Variants in SLC4A1 observed in about 807,000 individuals in gnomAD.
SLC4A1 encodes the protein solute carrier family 4 member 1 (Diego blood group).
In SLC4A1, 29 loss-of-function variants were observed where a neutral mutation model predicts 93.1. The observed-to-expected ratio is 0.31, with a 90% CI of 0.23 to 0.42. SLC4A1 has a LOEUF of 0.42. Among genes scored for constraint, SLC4A1 ranks in the 20% least tolerant of loss-of-function variants. SLC4A1 has a pLI of 1.00. For missense variants in SLC4A1, 965 were observed against 1,190.1 expected, an observed-to-expected ratio of 0.81 and a Z score of 2.78; for synonymous variants, 469 against 497.2, an observed-to-expected ratio of 0.94 and a Z score of 0.76.
Position 44,261,009 on chromosome 17 carries a change from G to A in SLC4A1, c.169-194C>T, listed in dbSNP as rs929514950. The stretch of plus-strand genomic sequence containing the variant: ...TTTACCCCATTGCAGAAGGCATTTG[G>A]AGAACCCTGACCCAAAGGGATGCTG... On this transcript the variant is annotated intron_variant, in intron 4 of 19. Transcript: ENST00000262418. 7.2e-4 allele frequency among the ~76,000 whole-genome samples: 110 copies of A among 152,294 alleles called. 1 individual carries two copies. The highest frequency in any genetic ancestry group is 1.0e-4 in the Non-Finnish European group (7 of 68,024).
rs2047313745 is a variant in SLC4A1 at position 44,248,627 on chromosome 17, ACTGC to A, written c.*1827_*1830del. Reference sequence around the variant, plus strand: ...TGTCTCCTTTAATCCTTATAACAACACTGCAAGGTAGGTACCATTATCATCCCCA... The same window carrying A: ...TGTCTCCTTTAATCCTTATAACAACAAAGGTAGGTACCATTATCATCCCCA... On this transcript the variant is annotated 3_prime_UTR_variant, in exon 20 of 20. Coordinates refer to ENST00000262418, the MANE Select transcript of SLC4A1 (RefSeq NM_000342.4). 6.6e-6 allele frequency: 1 copy of A among 152,556 alleles called. No homozygotes were observed. The highest frequency in any genetic ancestry group is 1.5e-5 in the Non-Finnish European group (1 of 68,516). 9.5% of individuals were successfully genotyped at this position (152,556 alleles called of 1,614,324 possible).
At chr17:44,265,322 G>T (rs577259715) in intron 1 of SLC4A1, among the ~76,000 whole-genome samples, 1 of 152,116 alleles carries the variant, frequency 6.6e-6, no homozygotes, top group Non-Finnish European at 1.5e-5. Flanking sequence ...GCACTCGGGG[G>T]TGGAGTCACC....
intron 13 of SLC4A1, among the ~76,000 whole-genome samples, chr17:44,256,685 G>A (rs964299915): frequency 6.6e-6 from 1 of 152,220 alleles, no homozygotes; most frequent in African/African-American, 2.4e-5. Flanking sequence ...TCAGTGTCAT[G>A]CCCATACCTA....
Position 44,259,307 on chromosome 17 carries a change from G to A in SLC4A1, c.732C>T (p.Phe244=), listed in dbSNP as rs766270737. 35 of 1,613,820 alleles carry A rather than the reference G, an allele frequency of 2.2e-5. No individual in the cohort carries two copies. The highest frequency in any genetic ancestry group is 1.8e-4 in the Admixed American group (11 of 59,988). The change falls in exon 9 of 20, where the codon TTC becomes TTT. Residue 244 remains phenylalanine (F), a synonymous_variant. Transcript: ENST00000262418. The part of the protein sequence containing the change: ...ADFLEQPVLG[F]VRLQEAAELE... ...GCTCCGCTGCCTCCTGCAGCCTCAC[G>A]AAGCCCAGCACCGGCTGCTCCAGGA... is the stretch of plus-strand genomic sequence containing the variant.
Position 44,259,342 on chromosome 17 carries a change from G to T in SLC4A1, c.697C>A (p.Arg233Ser). The change falls in exon 9 of 20, where the codon CGC (arginine) becomes AGC (serine). Residue 233 changes from arginine to serine, a missense_variant and splice_region_variant. Physicochemically the swap from Arg to Ser is moderately radical, Grantham distance 110 (BLOSUM62 -1). This residue lies in a region of SLC4A1 where 770 missense variants were observed against 1,006.6 expected (regional missense o/e 0.76). Coordinates refer to ENST00000262418, the MANE Select transcript of SLC4A1 (RefSeq NM_000342.4). ...DSEATLVLVGRADFLEQPVLG... is the reference protein window; with the variant it reads ...DSEATLVLVGSADFLEQPVLG... ...ACCGGCTGCTCCAGGAAGTCGGCGC[G>T]GCCTGTTAGGGGATGAGAAGATCAG... The T allele has an allele frequency of 6.2e-7, 1 of 1,613,424 alleles. No homozygotes were observed. Among genetic ancestry groups the T allele is most frequent in the Non-Finnish European group, 8.5e-7 (1 of 1,179,806 alleles).
At position 44,250,285 on chromosome 17, in the gene SLC4A1, C is replaced by G. The variant is rs2047326698; in HGVS notation, c.*173G>C. 3.2e-6 allele frequency: 2 copies of G among 626,740 alleles called. No individual in the cohort carries two copies. Among genetic ancestry groups the G allele is most frequent in the Non-Finnish European group, 5.8e-6 (2 of 345,614 alleles). 38.8% of individuals were successfully genotyped at this position (626,740 alleles called of 1,614,324 possible). ...ATCCCCAGCCAGAAAAGCCAGGCTA[C>G]CCTTTGTGGAAGGTCTCCTGGACAC... On this transcript the variant is annotated 3_prime_UTR_variant, in exon 20 of 20. Transcript: ENST00000262418.
At position 44,258,757 on chromosome 17, in the gene SLC4A1, C is replaced by T. The variant is rs867056487; in HGVS notation, c.877-134G>A. 2 of 826,082 alleles carry T rather than the reference C, an allele frequency of 2.4e-6. No individual in the cohort carries two copies. The highest frequency in any genetic ancestry group is 3.0e-5 in the South Asian group (2 of 66,352). 51.2% of individuals were successfully genotyped at this position (826,082 alleles called of 1,614,324 possible). On this transcript the variant is annotated intron_variant, in intron 9 of 19. Coordinates refer to ENST00000262418, the MANE Select transcript of SLC4A1 (RefSeq NM_000342.4). The surrounding 1 kb of genome is among the most constrained non-coding windows in gnomAD (Gnocchi z 6.1). ...CATTGCCAGGAACTGCTTTTCCTGC[C>T]CGCTCCCACCCCTACTCTCCCCACT...
intron 17 of SLC4A1, 89 bp downstream of exon 17, chr17:44,253,029 G>A: frequency 2.9e-6 from 4 of 1,386,238 alleles, no homozygotes; most frequent in Non-Finnish European, 4.0e-6. Context: ...GGCTGGAGGA[G>A]GTGCTGGGTC....
In SLC4A1 at chr17:44,258,836, A is replaced by T. The variant is rs2047414500; in HGVS notation, c.877-213T>A. 6.6e-6 allele frequency among the ~76,000 whole-genome samples: 1 copy of T among 152,114 alleles called. No individual in the cohort carries two copies. Among genetic ancestry groups the T allele is most frequent in the African/African-American group, 2.4e-5 (1 of 41,398 alleles). Reference sequence around the variant, plus strand: ...GGCCCTGGGTGGGGAAAGGAGAAGGAACTAAAGCTAACCTGGTGGGTTAAG... The same window carrying T: ...GGCCCTGGGTGGGGAAAGGAGAAGGTACTAAAGCTAACCTGGTGGGTTAAG... On this transcript the variant is annotated intron_variant, in intron 9 of 19. Transcript: ENST00000262418. This position sits in a 1 kb window ranked among gnomAD's most constrained non-coding sequence, Gnocchi z 6.1.
intron 1 of SLC4A1, among the ~76,000 whole-genome samples, chr17:44,267,422 G>A (rs979965497): frequency 6.6e-6 from 1 of 152,212 alleles, no homozygotes; most frequent in Non-Finnish European, 1.5e-5. Flanking sequence ...CATATAAGGA[G>A]CGCTATGAAA....
chr17:44,261,968 C>A lies in SLC4A1; in HGVS notation c.107-332G>T, dbSNP rs557394257. 5 of 1,217,130 alleles carry A rather than the reference C, an allele frequency of 4.1e-6. No individual in the cohort carries two copies. The East Asian group carries it at 2.4e-4, about 58-fold the overall frequency. 75.4% of individuals were successfully genotyped at this position (1,217,130 alleles called of 1,614,324 possible). A position where few individuals can be genotyped will look rare whatever the true frequency, so the allele number is the denominator to read the frequency against. On this transcript the variant is annotated intron_variant, in intron 3 of 19. Transcript: ENST00000262418. ...CCTGAGTGGCAATTTTCAGGATCCT[C>A]CTAGGACCTCCTCCCTCCCCTGCCA...
chr17:44,258,246 G>T lies in SLC4A1; in HGVS notation c.1088-66C>A. The T allele has an allele frequency of 6.6e-7, 1 of 1,515,884 alleles. No homozygotes were observed. The highest frequency in any genetic ancestry group is 9.2e-7 in the Non-Finnish European group (1 of 1,092,578). 93.9% of individuals were successfully genotyped at this position (1,515,884 alleles called of 1,614,324 possible). On this transcript the variant is annotated intron_variant, in intron 10 of 19. Transcript: ENST00000262418. The surrounding 1 kb of genome is among the most constrained non-coding windows in gnomAD (Gnocchi z 6.1). ...GAGGAGGTGAGGGGAAAGGGGACTGGAGGGTGTAGGGGAGATTGTCTGATG... is the reference window on the plus strand; with the variant it reads ...GAGGAGGTGAGGGGAAAGGGGACTGTAGGGTGTAGGGGAGATTGTCTGATG...
chr17:44,255,573 A>G, intron 14 of SLC4A1, 100 bp downstream of exon 14: 1 of 1,277,920 alleles, frequency 7.8e-7, no homozygotes, highest in South Asian at 1.2e-5. Flanking sequence ...GGGAATCTGA[A>G]AAAGAAGGGA....
chr17:44,263,040 G>T (rs1462595888), intron 1 of SLC4A1, 106 bp from the exon 2 acceptor site: 3 of 912,450 alleles, frequency 3.3e-6, no homozygotes, highest in Non-Finnish European at 3.5e-6. Context: ...CGTGTTGGAG[G>T]TGGTAGGGCC....
rs1598299625 is a variant in SLC4A1, at chr17:44,257,650, C to G, written c.1431+9G>C. 1 of 1,613,636 alleles carries G rather than the reference C, an allele frequency of 6.2e-7. No homozygotes were observed. The highest frequency in any genetic ancestry group is 8.5e-7 in the Non-Finnish European group (1 of 1,179,942). ...CATGACAGGGTCAGTGGGGCAAGGA[C>G]AGAACTACCGAGAAGAAGGCTTCCT... On this transcript the variant is annotated intron_variant, in intron 12 of 19. Coordinates refer to ENST00000262418, the MANE Select transcript of SLC4A1 (RefSeq NM_000342.4).
Position 44,259,878 on chromosome 17 carries a change from G to A in SLC4A1, c.540C>T (p.Arg180=), listed in dbSNP as rs1404492222. The A allele has an allele frequency of 1.9e-6, 3 of 1,613,980 alleles. No individual in the cohort carries two copies. The highest frequency in any genetic ancestry group is 2.5e-6 in the Non-Finnish European group (3 of 1,180,032). The change falls in exon 7 of 20, where the codon CGC becomes CGT. Residue 180 remains arginine, a synonymous_variant. Transcript: ENST00000262418. ...LGGVKPAVLT[R]SGDPSQPLLP... is the part of the protein sequence containing the mutation. ...GCAGAGGCTGTGAAGGATCCCCAGA[G>A]CGTGTCAGGACTGCAGGCTTCACAC...
In SLC4A1 at chr17:44,261,645, C is replaced by G. The variant is rs770654718; in HGVS notation, c.107-9G>C. 9.3e-6 allele frequency: 15 copies of G among 1,614,004 alleles called. No individual in the cohort carries two copies. The South Asian group carries it at 1.6e-4, about 18-fold the overall frequency. ...TGCCTCGGTGTCGTGAGCTGAAAAC[C>G]AGAGGTCGGTTAGTATTGACCTGAC... On this transcript the variant is annotated splice_polypyrimidine_tract_variant and intron_variant, in intron 3 of 19. Coordinates refer to ENST00000262418, the MANE Select transcript of SLC4A1 (RefSeq NM_000342.4).
chr17:44,258,517 G>A lies in SLC4A1; in HGVS notation c.983C>T (p.Ser328Phe). Residue 328 changes from serine to phenylalanine, a missense_variant, in exon 10 of 20, where the codon TCC (serine) becomes TTC (phenylalanine). By Grantham distance (155) the Ser-to-Phe change is radical. Coordinates refer to ENST00000262418, the MANE Select transcript of SLC4A1 (RefSeq NM_000342.4). This position sits in a 1 kb window ranked among gnomAD's most constrained non-coding sequence, Gnocchi z 6.1. ...SLVLPPTDAP[S>F]EQALLSLVPV... is the part of the protein sequence containing the mutation. ...CACCAGACTGAGCAGTGCCTGCTCG[G>A]AGGGGGCATCGGTGGGAGGCAGCAC... The A allele has an allele frequency of 2.5e-6, 4 of 1,614,076 alleles. No homozygotes were observed. The highest frequency in any genetic ancestry group is 2.2e-5 in the South Asian group (2 of 91,084).
intron 14 of SLC4A1, 62 bp downstream of exon 14, chr17:44,255,611 G>A (rs1000118471): frequency 1.7e-5 from 26 of 1,521,938 alleles, no homozygotes; most frequent in African/African-American, 1.5e-4. Context: ...AATTTGGAGC[G>A]GGGGGGCTTT....
Sources: gnomAD v4.1 joint callset for allele counts (sites outside exome capture counted in the v4.1 genomes callset) on GRCh38, gnomAD v4.1.1 for gene constraint, gnomAD v4.1.1 regional missense constraint, Gnocchi (gnomAD v3.1) non-coding constraint, MANE v1.5 for transcripts, NCBI Gene and HGNC (gene_info 2026-07-23, HGNC 2026-07-21) for gene names.